SOX5: variants seen among roughly 807,000 people sequenced by gnomAD.
The protein encoded by SOX5 is transcription factor SOX-5.
Under a neutral mutation model 92.0 loss-of-function variants are expected in SOX5, and 9 were observed. The ratio of observed to expected loss-of-function variants is 0.10; its 90% confidence interval spans 0.06 to 0.17. The LOEUF (loss-of-function observed/expected upper bound fraction) is 0.17, where lower values mean the gene tolerates loss of function less well. SOX5 is among the 10% of genes least tolerant of loss of function. SOX5 has a pLI of 1.00. For synonymous variants in SOX5, 344 were observed against 336.3 expected (o/e 1.02, Z -0.25); for missense variants, 642 against 944.5 (o/e 0.68, Z 4.20).
intron 2 of SOX5, among the ~76,000 whole-genome samples, chr12:23,865,330 G>C (rs747306720): frequency 4.6e-5 from 7 of 152,148 alleles, no homozygotes; most frequent in African/African-American, 1.7e-4. Context: ...TATCCATTCT[G>C]CAGCCCATGG....
chr12:24,527,073 T>C (rs989766274), intron 1 of SOX5, among the ~76,000 whole-genome samples: 3 of 152,188 alleles, frequency 2.0e-5, no homozygotes, highest in Admixed American at 2.0e-4. Context: ...ATTACAGGCA[T>C]GAGCCACCAC....
At chr12:23,888,018 C>T (rs942986152) in intron 2 of SOX5, among the ~76,000 whole-genome samples, 5 of 151,126 alleles carry the variant, frequency 3.3e-5, no homozygotes, top group Non-Finnish European at 5.9e-5. Context: ...ATTTTGATCA[C>T]CACAAATGAG....
chr12:24,082,911 T>C (rs1035661373), intron 4 of SOX5, among the ~76,000 whole-genome samples: 1 of 152,114 alleles, frequency 6.6e-6, no homozygotes, highest in African/African-American at 2.4e-5. Flanking sequence ...TATAAAGATT[T>C]AATTACACAA....
chr12:24,381,612 CTCTTA>C (rs1453754229), intron 1 of SOX5, among the ~76,000 whole-genome samples: 7 of 152,194 alleles, frequency 4.6e-5, no homozygotes, highest in Non-Finnish European at 5.9e-5. Flanking sequence ...AAACAGCTCT[CTCTTA>C]TATTTAGAAA....
At chr12:24,362,065 A>C (rs1955635263) in intron 2 of SOX5, among the ~76,000 whole-genome samples, 1 of 152,134 alleles carries the variant, frequency 6.6e-6, no homozygotes, top group Non-Finnish European at 1.5e-5. Context: ...TTTCCTCTAG[A>C]GGGTTTGATG....
chr12:24,464,669 C>T (rs1944030591), intron 1 of SOX5, among the ~76,000 whole-genome samples: 1 of 152,130 alleles, frequency 6.6e-6, no homozygotes, highest in Admixed American at 6.5e-5. Flanking sequence ...TGAGAAGTTA[C>T]TATGTGCACG....
chr12:24,040,503 GA>G (rs928126651), intron 4 of SOX5, among the ~76,000 whole-genome samples: 4 of 152,132 alleles, frequency 2.6e-5, no homozygotes, highest in Non-Finnish European at 5.9e-5. Flanking sequence ...TCTGACAATT[GA>G]AAAATAGAAA....
chr12:23,715,928 T>G (rs985104527), intron 6 of SOX5, among the ~76,000 whole-genome samples: 2 of 151,410 alleles, frequency 1.3e-5, no homozygotes, highest in African/African-American at 2.4e-5. Context: ...TAGTAATAAA[T>G]CTTATTAAAT....
In SOX5 at chr12:23,774,416, C is replaced by T. The variant is rs775963794; in HGVS notation, c.482-18692G>A. Among the ~76,000 whole-genome samples the T allele has an allele frequency of 1.2e-4, 18 of 152,204 alleles. No homozygotes were observed. The East Asian group carries it at 1.7e-3, about 15-fold the overall frequency. On this transcript the variant is annotated intron_variant, in intron 3 of 14. Coordinates refer to ENST00000451604, the MANE Select transcript of SOX5 (RefSeq NM_006940.6). ...TATCTAATAAGTTTCATTCAAATTT[C>T]GGAATGATATAAAAGACTGCCATTG...
chr12:24,502,869 G>A (rs1948358607), intron 1 of SOX5, among the ~76,000 whole-genome samples: 1 of 152,154 alleles, frequency 6.6e-6, no homozygotes, highest in African/African-American at 2.4e-5. Context: ...CTGGCCAAAA[G>A]TGCATATCCT....
intron 4 of SOX5, among the ~76,000 whole-genome samples, chr12:24,099,455 A>G (rs1328905913): frequency 6.6e-6 from 1 of 152,190 alleles, no homozygotes; most frequent in Non-Finnish European, 1.5e-5. Context: ...TCTGTCCTGA[A>G]TTCGGATGAA....
At chr12:23,601,399 C>T (rs1029172574) in intron 9 of SOX5, among the ~76,000 whole-genome samples, 2 of 152,120 alleles carry the variant, frequency 1.3e-5, no homozygotes, top group Admixed American at 6.6e-5. Context: ...ACATCATCAC[C>T]TGGTTGTGAC....
intron 9 of SOX5, among the ~76,000 whole-genome samples, chr12:23,596,460 G>A (rs1191656493): frequency 6.6e-6 from 1 of 152,170 alleles, no homozygotes; most frequent in Non-Finnish European, 1.5e-5. Flanking sequence ...AAGTAAGAAT[G>A]TGTAAGCAAC....
chr12:23,918,650 G>A (rs1381652675), intron 1 of SOX5, among the ~76,000 whole-genome samples: 1 of 152,158 alleles, frequency 6.6e-6, no homozygotes, highest in Non-Finnish European at 1.5e-5. Context: ...AATGGGCCGG[G>A]CGTGGTGGCT....
At position 24,236,813 on chromosome 12, in the gene SOX5, T is replaced by G. The variant is rs570940260; in HGVS notation, c.-76-23396A>C. Among the ~76,000 whole-genome samples, 4 of 152,212 alleles carry G rather than the reference T, an allele frequency of 2.6e-5. No individual in the cohort carries two copies. In the East Asian group the frequency reaches 5.8e-4, roughly 22 times the overall value. Reference sequence around the variant, plus strand: ...CTGTAATGATTCACAGTAGAGGAGCTTGAAGGCATGAGTGCAGGTGAAAGT... The same window carrying G: ...CTGTAATGATTCACAGTAGAGGAGCGTGAAGGCATGAGTGCAGGTGAAAGT... On this transcript the variant is annotated intron_variant, in intron 3 of 4. Coordinates refer to the SOX5 transcript ENST00000446891.
At chr12:23,830,480 T>A (rs2096297714) in intron 3 of SOX5, among the ~76,000 whole-genome samples, 2 of 152,138 alleles carry the variant, frequency 1.3e-5, no homozygotes, top group Admixed American at 1.3e-4. Flanking sequence ...AAAAGTACCC[T>A]TGTTTGTCCT....
chr12:23,896,105 G>A (rs2097175177), intron 1 of SOX5, 81 bp from the exon 2 acceptor site: 1 of 969,242 alleles, frequency 1.0e-6, no homozygotes, highest in African/African-American at 1.6e-5. Context: ...AGGGGCCATT[G>A]TAACAGAAAT....
At chr12:24,215,457 A>G (rs1375592168) in intron 3 of SOX5, among the ~76,000 whole-genome samples, 1 of 152,190 alleles carries the variant, frequency 6.6e-6, no homozygotes, top group African/African-American at 2.4e-5. Context: ...ACAAACTAGT[A>G]ATGAACATTC....
chr12:24,028,179 C>T (rs912418960), intron 4 of SOX5, among the ~76,000 whole-genome samples: 1 of 151,892 alleles, frequency 6.6e-6, no homozygotes, highest in East Asian at 1.9e-4. Context: ...TAGCAGTCAC[C>T]AACACTTTTG....
Sources: allele counts gnomAD v4.1 joint callset (sites outside exome capture counted in the v4.1 genomes callset), GRCh38; gene constraint gnomAD v4.1.1; transcripts MANE v1.5; gene names NCBI Gene and HGNC (gene_info 2026-07-23, HGNC 2026-07-21).